Variants in LRRC4C observed in about 807,000 individuals in gnomAD.
LRRC4C encodes the protein leucine rich repeat containing 4C.
A neutral mutation model predicts 33.6 loss-of-function variants in LRRC4C; 5 were observed. The observed-to-expected ratio is 0.15, with a 90% CI of 0.08 to 0.31. The LOEUF is 0.31. Ranked by LOEUF, LRRC4C falls within the 10% of genes least tolerant of loss-of-function variation. LRRC4C has a pLI of 1.00. For missense variants in LRRC4C, 560 were observed against 796.7 expected, an observed-to-expected ratio of 0.70 and a Z score of 3.58; for synonymous variants, 329 against 302.0, an observed-to-expected ratio of 1.09 and a Z score of -0.93.
intron 3 of LRRC4C, among the ~76,000 whole-genome samples, chr11:40,434,073 A>G (rs1286785930): frequency 6.6e-6 from 1 of 152,188 alleles, no homozygotes; most frequent in African/African-American, 2.4e-5. Context: ...CTTATCTGGC[A>G]GTTTAGTTGA....
chr11:41,221,800 A>G (rs920917266), intron 1 of LRRC4C, among the ~76,000 whole-genome samples: 4 of 152,260 alleles, frequency 2.6e-5, no homozygotes, highest in African/African-American at 9.6e-5. Context: ...ATAGAGCTCA[A>G]CTGGCATAGA....
intron 2 of LRRC4C, among the ~76,000 whole-genome samples, chr11:40,784,719 T>C (rs764881619): frequency 1.3e-5 from 2 of 152,190 alleles, no homozygotes; most frequent in Non-Finnish European, 2.9e-5. Flanking sequence ...CTGCAGTCAA[T>C]GGCATGACTG....
At chr11:40,310,434 A>G (rs1263055116) in intron 4 of LRRC4C, among the ~76,000 whole-genome samples, 1 of 152,172 alleles carries the variant, frequency 6.6e-6, no homozygotes, top group Non-Finnish European at 1.5e-5. Flanking sequence ...ATTGTACCAC[A>G]TTGCTTGCCA....
At chr11:40,134,103 C>T (rs1015507426) in intron 6 of LRRC4C, among the ~76,000 whole-genome samples, 1 of 152,164 alleles carries the variant, frequency 6.6e-6, no homozygotes, top group East Asian at 1.9e-4. Flanking sequence ...AGAGAAAAAA[C>T]GGAAAGAACC....
At chr11:41,283,507 A>C (rs1949732518) in intron 1 of LRRC4C, among the ~76,000 whole-genome samples, 1 of 152,218 alleles carries the variant, frequency 6.6e-6, no homozygotes. Flanking sequence ...AGTGGTTGAA[A>C]AAACAAATTA....
Position 41,377,496 on chromosome 11 carries a change from A to G in LRRC4C, c.-496+81935T>C, listed in dbSNP as rs540589672. 3.8e-3 allele frequency among the ~76,000 whole-genome samples: 573 copies of G among 152,308 alleles called. 1 individual carries two copies. The highest frequency in any genetic ancestry group is 0.014 in the Middle Eastern group (4 of 294). On this transcript the variant is annotated intron_variant, in intron 1 of 6. Transcript: ENST00000528697. ...AGTTATTTTTTCAAGGGGATCAGGA[A>G]AAAAACAACGATAACCGATAGATAT...
chr11:41,323,677 A>G (rs1951022570), intron 1 of LRRC4C, among the ~76,000 whole-genome samples: 1 of 152,202 alleles, frequency 6.6e-6, no homozygotes, highest in Non-Finnish European at 1.5e-5. Context: ...TTTCCATATG[A>G]CACCACTCAC....
intron 1 of LRRC4C, among the ~76,000 whole-genome samples, chr11:41,101,821 T>C (rs1027976369): frequency 2.1e-4 from 32 of 151,930 alleles, no homozygotes; most frequent in Admixed American, 1.6e-3. Flanking sequence ...AAGAGAGCAT[T>C]ACCTTTGCAG....
chr11:40,696,316 GTATATATATGAGTA>G (rs1232590576), intron 2 of LRRC4C, among the ~76,000 whole-genome samples: 3 of 94,398 alleles, frequency 3.2e-5, no homozygotes, highest in Admixed American at 9.0e-5. Context: ...TATATATGTG[GTATATATATGAGTA>G]TATATATATG....
intron 1 of LRRC4C, among the ~76,000 whole-genome samples, chr11:41,397,019 A>AT (rs1953845114): frequency 6.6e-6 from 1 of 151,960 alleles, no homozygotes; most frequent in Admixed American, 6.6e-5. Context: ...TGTAAATACG[A>AT]TTTTTTAAAG....
intron 4 of LRRC4C, among the ~76,000 whole-genome samples, chr11:40,312,275 C>A (rs1226105267): frequency 1.3e-5 from 2 of 152,160 alleles, no homozygotes; most frequent in African/African-American, 2.4e-5. Context: ...ATAGAGCCAC[C>A]AATGCTTGAG....
chr11:40,640,576 C>T (rs1375942541), intron 3 of LRRC4C, among the ~76,000 whole-genome samples: 1 of 151,954 alleles, frequency 6.6e-6, no homozygotes, highest in Non-Finnish European at 1.5e-5. Flanking sequence ...CAATAGGAAT[C>T]TCTCCTCCTA....
chr11:40,729,906 C>A lies in LRRC4C; in HGVS notation c.-406-81628G>T, dbSNP rs575860149. ...TGCTGAAAATAACTTCAAATATACA[C>A]CATGGAATACTATGCAGCCATAAAA... On this transcript the variant is annotated intron_variant, in intron 2 of 6. Coordinates refer to ENST00000528697, the MANE Select transcript of LRRC4C (RefSeq NM_001258419.2). 1.8e-4 allele frequency among the ~76,000 whole-genome samples: 27 copies of A among 152,226 alleles called. No individual in the cohort carries two copies. The South Asian group carries it at 5.0e-3, about 28-fold the overall frequency.
At chr11:41,006,864 T>C (rs1380492967) in intron 1 of LRRC4C, among the ~76,000 whole-genome samples, 1 of 152,162 alleles carries the variant, frequency 6.6e-6, no homozygotes, top group Non-Finnish European at 1.5e-5. Flanking sequence ...TCCAGAATAG[T>C]GTTTTTATAT....
At chr11:40,859,776 C>G (rs1341962096) in intron 2 of LRRC4C, among the ~76,000 whole-genome samples, 1 of 152,090 alleles carries the variant, frequency 6.6e-6, no homozygotes, top group Non-Finnish European at 1.5e-5. Context: ...AGTGCTGATA[C>G]ATATTAAAAT....
At chr11:41,261,328 A>C (rs767887424) in intron 1 of LRRC4C, among the ~76,000 whole-genome samples, 3 of 152,100 alleles carry the variant, frequency 2.0e-5, no homozygotes, top group Non-Finnish European at 4.4e-5. Flanking sequence ...TTGAAGAATA[A>C]ATTTTTATTA....
intron 4 of LRRC4C, among the ~76,000 whole-genome samples, chr11:40,294,515 C>T (rs1944408755): frequency 6.6e-6 from 1 of 152,032 alleles, no homozygotes; most frequent in Admixed American, 6.6e-5. Flanking sequence ...CACACTGGTC[C>T]CAAGCTGAGG....
chr11:41,105,252 T>C (rs1941426994), intron 1 of LRRC4C, among the ~76,000 whole-genome samples: 1 of 151,980 alleles, frequency 6.6e-6, no homozygotes, highest in African/African-American at 2.4e-5. Flanking sequence ...GGAAAATATT[T>C]CCCATAAATC....
intron 1 of LRRC4C, among the ~76,000 whole-genome samples, chr11:41,168,509 T>G (rs984094193): frequency 3.3e-5 from 5 of 152,164 alleles, no homozygotes; most frequent in African/African-American, 1.2e-4. Context: ...GTTTTCAATC[T>G]CTAATCTGTA....
Sources: allele counts gnomAD v4.1 joint callset (sites outside exome capture counted in the v4.1 genomes callset), GRCh38; gene constraint gnomAD v4.1.1; transcripts MANE v1.5; gene names NCBI Gene and HGNC (gene_info 2026-07-23, HGNC 2026-07-21).